The following VWC2L variants were observed in gnomAD, a reference collection of about 807,000 sequenced individuals.
The protein encoded by VWC2L is von Willebrand factor C domain-containing protein 2-like.
A neutral mutation model predicts 21.6 loss-of-function variants in VWC2L; 10 were observed. The ratio of observed to expected loss-of-function variants is 0.46; its 90% confidence interval spans 0.29 to 0.78. The LOEUF is 0.78. VWC2L is among the 30% of genes least tolerant of loss of function. The pLI, the probability that VWC2L is intolerant of heterozygous loss-of-function variation, is 0.10. For synonymous variants in VWC2L, 96 were observed against 94.3 expected (o/e 1.02, Z -0.10); for missense variants, 209 against 277.1 (o/e 0.75, Z 1.74).
rs1425693675 is a variant in VWC2L, at chr2:214,460,782, G to A, written c.520+24024G>A. On this transcript the variant is annotated intron_variant, in intron 3 of 3. Transcript: ENST00000312504. ...TTTCATAAATTTTTCATTGGAATGT[G>A]TTACTGGTGAATTATTGTGTTTTTT... 1.3e-4 allele frequency among the ~76,000 whole-genome samples: 19 copies of A among 150,486 alleles called. No individual in the cohort carries two copies. In the East Asian group the frequency reaches 3.6e-3, roughly 28 times the overall value.
At chr2:214,420,463 C>T (rs1702422421) in intron 2 of VWC2L, among the ~76,000 whole-genome samples, 2 of 152,170 alleles carry the variant, frequency 1.3e-5, no homozygotes, top group Admixed American at 1.3e-4. Context: ...CAGCACAATT[C>T]ACTGCCCCTT....
chr2:214,567,411 G>T (rs1252139373), intron 3 of VWC2L, among the ~76,000 whole-genome samples: 2 of 152,012 alleles, frequency 1.3e-5, no homozygotes, highest in African/African-American at 2.4e-5. Context: ...GGCCATATGT[G>T]CTTCACAGGA....
intron 2 of VWC2L, among the ~76,000 whole-genome samples, chr2:214,427,296 G>A (rs564450560): frequency 6.6e-6 from 1 of 152,232 alleles, no homozygotes; most frequent in South Asian, 2.1e-4. Flanking sequence ...ACCTTTGACT[G>A]CTGAGATGTA....
At chr2:214,574,375 T>C (rs1357632149) in intron 3 of VWC2L, among the ~76,000 whole-genome samples, 3 of 152,194 alleles carry the variant, frequency 2.0e-5, no homozygotes, top group African/African-American at 7.2e-5. Context: ...AATGGGCAAT[T>C]AAAACCATAA....
chr2:214,570,815 C>T (rs1690139175), intron 3 of VWC2L, among the ~76,000 whole-genome samples: 1 of 152,142 alleles, frequency 6.6e-6, no homozygotes, highest in Non-Finnish European at 1.5e-5. Flanking sequence ...TGAGACTAGA[C>T]CACTTAGGCC....
chr2:214,434,019 T>C (rs1327103403), intron 2 of VWC2L, among the ~76,000 whole-genome samples: 1 of 152,144 alleles, frequency 6.6e-6, no homozygotes, highest in Non-Finnish European at 1.5e-5. Flanking sequence ...CACATGCATA[T>C]GATAAGAGAT....
At chr2:214,496,994 A>C (rs1283199716) in intron 3 of VWC2L, among the ~76,000 whole-genome samples, 1 of 152,208 alleles carries the variant, frequency 6.6e-6, no homozygotes, top group Non-Finnish European at 1.5e-5. Flanking sequence ...CAATATCAAA[A>C]CACCATATTT....
intron 3 of VWC2L, among the ~76,000 whole-genome samples, chr2:214,572,753 T>A (rs1000047112): frequency 3.3e-5 from 5 of 152,144 alleles, no homozygotes; most frequent in Admixed American, 3.3e-4. Context: ...ACTTCTGTAG[T>A]TACACCTAAG....
intron 3 of VWC2L, among the ~76,000 whole-genome samples, chr2:214,506,861 A>G (rs969001900): frequency 8.5e-5 from 13 of 152,124 alleles, no homozygotes; most frequent in Non-Finnish European, 1.5e-4. Flanking sequence ...TATAAATTAC[A>G]TTATCCAAAT....
chr2:214,453,649 C>G (rs1703008707), intron 3 of VWC2L, among the ~76,000 whole-genome samples: 1 of 152,028 alleles, frequency 6.6e-6, no homozygotes. Flanking sequence ...CTTAATTTCC[C>G]TCAGCACTAT....
intron 2 of VWC2L, among the ~76,000 whole-genome samples, chr2:214,417,183 G>A (rs1356350158): frequency 6.6e-6 from 1 of 152,092 alleles, no homozygotes. Flanking sequence ...AATTAGGGAG[G>A]TTGTATTATG....
intron 2 of VWC2L, among the ~76,000 whole-genome samples, chr2:214,433,725 G>C (rs995464866): frequency 6.6e-6 from 1 of 152,212 alleles, no homozygotes. Context: ...TGCTGTTCAA[G>C]CAGTATCTTT....
chr2:214,420,810 T>C (rs978898062), intron 2 of VWC2L, among the ~76,000 whole-genome samples: 3 of 152,322 alleles, frequency 2.0e-5, no homozygotes, highest in South Asian at 2.1e-4. Context: ...ATTAATTCCA[T>C]AATTATTGGC....
At chr2:214,566,121 G>C (rs1433742300) in intron 3 of VWC2L, among the ~76,000 whole-genome samples, 1 of 152,142 alleles carries the variant, frequency 6.6e-6, no homozygotes, top group Non-Finnish European at 1.5e-5. Context: ...TTCAGCTTGG[G>C]AAGTTTGGCT....
intron 3 of VWC2L, among the ~76,000 whole-genome samples, chr2:214,476,047 C>A (rs576912318): frequency 8.5e-5 from 13 of 152,148 alleles, no homozygotes; most frequent in Non-Finnish European, 1.8e-4. Flanking sequence ...GTTATTATTT[C>A]TGCCCTTCTT....
intron 3 of VWC2L, among the ~76,000 whole-genome samples, chr2:214,573,387 ATT>A (rs1341198331): frequency 1.3e-5 from 2 of 152,152 alleles, no homozygotes; most frequent in African/African-American, 4.8e-5. Context: ...TAAAACCACT[ATT>A]TAGAATTTTA....
chr2:214,498,758 A>G (rs1292845671), intron 3 of VWC2L, among the ~76,000 whole-genome samples: 1 of 149,032 alleles, frequency 6.7e-6, no homozygotes, highest in Admixed American at 6.7e-5. Context: ...GTGTATATAT[A>G]TTATACATAC....
Position 214,448,933 on chromosome 2 carries a change from G to A in VWC2L, c.520+12175G>A, listed in dbSNP as rs543732413. On this transcript the variant is annotated intron_variant, in intron 3 of 3. Transcript: ENST00000312504. ...TCTCCCAGCACTCAATGCCCTCTGA[G>A]TCATCCTACAGGCACCTATCCCAGA... Among the ~76,000 whole-genome samples, 5 of 152,182 alleles carry A rather than the reference G, an allele frequency of 3.3e-5. No individual in the cohort carries two copies. The South Asian group carries it at 8.3e-4, about 25-fold the overall frequency.
chr2:214,415,885 T>C (rs927627727), intron 2 of VWC2L, among the ~76,000 whole-genome samples: 1 of 152,140 alleles, frequency 6.6e-6, no homozygotes, highest in African/African-American at 2.4e-5. Flanking sequence ...AGTAAAAGCA[T>C]GAGAGTCTAG....
Sources: gnomAD v4.1 joint callset for allele counts (sites outside exome capture counted in the v4.1 genomes callset) on GRCh38, gnomAD v4.1.1 for gene constraint, MANE v1.5 for transcripts, NCBI Gene and HGNC (gene_info 2026-07-23, HGNC 2026-07-21) for gene names.